Variants in NUF2 observed in about 807,000 individuals in gnomAD.
NUF2 encodes kinetochore protein Nuf2.
NUF2 carries 34 observed loss-of-function variants against 61.8 expected under a neutral mutation model. That is an observed-to-expected ratio of 0.55 (90% CI 0.42 to 0.73). The LOEUF (loss-of-function observed/expected upper bound fraction) is 0.73, where lower values mean the gene tolerates loss of function less well. Ranked by LOEUF, NUF2 falls within the 30% of genes least tolerant of loss-of-function variation. The pLI is 0.00. For synonymous variants in NUF2, 172 were observed against 181.6 expected (o/e 0.95, Z 0.42); for missense variants, 445 against 539.1 (o/e 0.83, Z 1.73).
At chr1:163,345,326 A>G (rs1454737218) in intron 10 of NUF2, among the ~76,000 whole-genome samples, 1 of 152,186 alleles carries the variant, frequency 6.6e-6, no homozygotes, top group Non-Finnish European at 1.5e-5. Context: ...TGGGAAGATT[A>G]TAAATGAGTA....
intron 13 of NUF2, among the ~76,000 whole-genome samples, chr1:163,350,017 A>G (rs947487903): frequency 6.6e-6 from 1 of 151,936 alleles, no homozygotes; most frequent in African/African-American, 2.4e-5. Context: ...CTTAGCAGAT[A>G]TTGGCTGGGC....
At position 163,347,954 on chromosome 1, in the gene NUF2, C is replaced by T; in HGVS notation, c.1124+16C>T. ...CAGTAATTGAGTATGGAGTTGTTTT[C>T]AATTTTAGTGTATTAGAAAGCAATT... On this transcript the variant is annotated intron_variant, in intron 12 of 13. Coordinates refer to ENST00000271452, the MANE Select transcript of NUF2 (RefSeq NM_145697.3). 11 of 1,453,842 alleles carry T rather than the reference C, an allele frequency of 7.6e-6. No individual in the cohort carries two copies. The highest frequency in any genetic ancestry group is 1.0e-5 in the Non-Finnish European group (11 of 1,093,852). 90.1% of individuals were successfully genotyped at this position (1,453,842 alleles called of 1,614,324 possible).
At chr1:163,328,136 TAGTG>T (rs1199490267) in intron 3 of NUF2, 88 bp from the exon 4 acceptor site, 7 of 739,274 alleles carry the variant, frequency 9.5e-6, no homozygotes, top group East Asian at 2.6e-5. Flanking sequence ...AATTTAATGA[TAGTG>T]AGTTAATATA....
chr1:163,322,398 G>A (rs1650257181), intron 1 of NUF2, among the ~76,000 whole-genome samples, 186 bp downstream of exon 1: 1 of 152,204 alleles, frequency 6.6e-6, no homozygotes, highest in Admixed American at 6.5e-5. Context: ...TGGTAATGTG[G>A]TTTATTTGGC....
At position 163,345,792 on chromosome 1, in the gene NUF2, GA is replaced by G; in HGVS notation, c.927del (p.Lys309AsnfsTer2). The G allele has an allele frequency of 6.2e-7, 1 of 1,606,570 alleles. No homozygotes were observed. Among genetic ancestry groups the G allele is most frequent in the Non-Finnish European group, 8.5e-7 (1 of 1,175,154 alleles). Reference protein sequence around the residue: ...KKIQDLSDNREKLASILKESL... With the variant: ...KKIQDLSDNRXKLASILKESL... ...AATACAGGACCTTTCAGATAATAGG[GA>G]AAAATTAGCCAGTATCTTAAAGGAG... is the stretch of plus-strand genomic sequence containing the variant. On this transcript the variant is annotated frameshift_variant, in exon 11 of 14. Coordinates refer to ENST00000271452, the MANE Select transcript of NUF2 (RefSeq NM_145697.3). LOFTEE classifies it high-confidence loss of function.
chr1:163,326,870 C>G (rs1329283365), intron 2 of NUF2, among the ~76,000 whole-genome samples: 2 of 152,046 alleles, frequency 1.3e-5, no homozygotes, highest in African/African-American at 4.8e-5. Flanking sequence ...AAAAGATTAC[C>G]ACGTTTTCCC....
chr1:163,336,043 G>A (rs1167503085), intron 5 of NUF2, among the ~76,000 whole-genome samples: 2 of 151,838 alleles, frequency 1.3e-5, no homozygotes, highest in Non-Finnish European at 2.9e-5. Flanking sequence ...AATCTACCAT[G>A]TATGTTATTT....
chr1:163,351,742 A>C (rs1651328207), intron 13 of NUF2, among the ~76,000 whole-genome samples: 1 of 152,212 alleles, frequency 6.6e-6, no homozygotes, highest in Non-Finnish European at 1.5e-5. Context: ...TGGTAAAATC[A>C]AATACTTTTT....
chr1:163,342,004 A>G (rs1650963047), intron 9 of NUF2, among the ~76,000 whole-genome samples: 1 of 152,190 alleles, frequency 6.6e-6, no homozygotes, highest in African/African-American at 2.4e-5. Flanking sequence ...AAATTTATAT[A>G]TTTTTTGCCC....
chr1:163,326,002 G>A, intron 1 of NUF2, 30 bp from the exon 2 acceptor site: 1 of 1,563,398 alleles, frequency 6.4e-7, no homozygotes, highest in Non-Finnish European at 8.8e-7. Context: ...CTGATCATGT[G>A]GTATTTCTCA....
rs755556279 is a variant in NUF2 at position 163,355,408 on chromosome 1, A to G, written c.1334A>G (p.Tyr445Cys). The G allele has an allele frequency of 6.2e-7, 1 of 1,606,266 alleles. No individual in the cohort carries two copies. The highest frequency in any genetic ancestry group is 8.5e-7 in the Non-Finnish European group (1 of 1,174,552). The change falls in exon 14 of 14, where the codon TAT (tyrosine) becomes TGT (cysteine). Residue 445 changes from tyrosine to cysteine, a missense_variant. Tyr to Cys is a radical substitution (Grantham distance 194). Transcript: ENST00000271452. ...ATTGAAAAGGCAGCAGAGGACTCCT[A>G]TGCTAAGATAGATGAGAAGACAGCT... ...DGIEKAAEDSYAKIDEKTAEL... is the reference protein window; with the variant it reads ...DGIEKAAEDSCAKIDEKTAEL...
rs559445849 is a variant in NUF2 at position 163,337,911 on chromosome 1, C to A, written c.436-109C>A. 8.7e-5 allele frequency: 71 copies of A among 812,232 alleles called. No individual in the cohort carries two copies. In the South Asian group the frequency reaches 1.1e-3, roughly 12 times the overall value. 50.3% of individuals were successfully genotyped at this position (812,232 alleles called of 1,614,324 possible). On this transcript the variant is annotated intron_variant, in intron 6 of 13. Coordinates refer to ENST00000271452, the MANE Select transcript of NUF2 (RefSeq NM_145697.3). ...ATTTGTCATGAAGGCCTAACTCTAT[C>A]TTAAATTTTTTATTTCTGATGGTTC...
chr1:163,345,373 T>C (rs1651089521), intron 10 of NUF2, among the ~76,000 whole-genome samples: 1 of 152,206 alleles, frequency 6.6e-6, no homozygotes, highest in Non-Finnish European at 1.5e-5. Flanking sequence ...AGAAATAGTT[T>C]GAGTATTAGC....
chr1:163,351,515 T>C (rs1266137477), intron 13 of NUF2, among the ~76,000 whole-genome samples: 2 of 152,348 alleles, frequency 1.3e-5, no homozygotes, highest in African/African-American at 2.4e-5. Flanking sequence ...TAGTGTCACC[T>C]GCAGATTTGA....
rs761808817 is a variant in NUF2 at position 163,328,249 on chromosome 1, A to T, written c.220A>T (p.Met74Leu). The change falls in exon 4 of 14, where the codon ATG (methionine) becomes TTG (leucine). Residue 74 changes from methionine to leucine, a missense_variant. By Grantham distance (15) the Met-to-Leu change is conservative. Coordinates refer to ENST00000271452, the MANE Select transcript of NUF2 (RefSeq NM_145697.3). Reference protein sequence around the residue: ...FYMMPVNSEVMYPHLMEGFLP... With the variant: ...FYMMPVNSEVLYPHLMEGFLP... ...TTAGATGCCAGTGAACTCTGAAGTC[A>T]TGTATCCACATTTAATGGAAGGCTT... The T allele has an allele frequency of 6.2e-7, 1 of 1,608,656 alleles. No homozygotes were observed. The highest frequency in any genetic ancestry group is 1.3e-5 in the African/African-American group (1 of 74,806).
intron 13 of NUF2, among the ~76,000 whole-genome samples, chr1:163,351,722 C>T (rs572216193): frequency 6.6e-6 from 1 of 152,276 alleles, no homozygotes; most frequent in South Asian, 2.1e-4. Flanking sequence ...GGGAAGGTCT[C>T]TAAATACTTT....
chr1:163,324,229 G>A lies in NUF2; in HGVS notation c.-20-1803G>A, dbSNP rs550055296. 1.4e-4 allele frequency among the ~76,000 whole-genome samples: 22 copies of A among 151,950 alleles called. No homozygotes were observed. The South Asian group carries it at 4.6e-3, about 32-fold the overall frequency. On this transcript the variant is annotated intron_variant, in intron 1 of 13. Coordinates refer to ENST00000271452, the MANE Select transcript of NUF2 (RefSeq NM_145697.3). ...TAGCTTTCTTCATGTTTTTGAAAAT[G>A]GTGTCATGTAAACAGAGATTAATAT... is the stretch of plus-strand genomic sequence containing the variant.
chr1:163,348,996 C>T lies in NUF2; in HGVS notation c.1176C>T (p.Thr392=). ...EKRGAVYERV[T]TINQEIQKIK... ...GAGGTGCTGTCTATGAACGAGTAAC[C>T]ACAATTAATCAAGAAATCCAAAAAA... The change falls in exon 13 of 14, where the codon ACC becomes ACT. Residue 392 remains threonine, a synonymous_variant. Coordinates refer to ENST00000271452, the MANE Select transcript of NUF2 (RefSeq NM_145697.3). The T allele has an allele frequency of 6.2e-7, 1 of 1,610,790 alleles. No individual in the cohort carries two copies. Among genetic ancestry groups the T allele is most frequent in the Non-Finnish European group, 8.5e-7 (1 of 1,179,062 alleles).
Position 163,326,171 on chromosome 1 carries a change from A to T in NUF2, c.120A>T (p.Pro40=). ...NLTKNDLYPN[P]KPEVLHMIYM... ...CCAAGAATGATCTTTATCCAAATCC[A>T]AAGGTAAAAGGTGGTTACGTTTGCA... is the stretch of plus-strand genomic sequence containing the variant. Residue 40 remains proline (P), a synonymous_variant, in exon 2 of 14, where the codon CCA becomes CCT. Transcript: ENST00000271452. 1 of 1,612,160 alleles carries T rather than the reference A, an allele frequency of 6.2e-7. No homozygotes were observed. The highest frequency in any genetic ancestry group is 8.5e-7 in the Non-Finnish European group (1 of 1,178,844).
Sources: allele counts gnomAD v4.1 joint callset (sites outside exome capture counted in the v4.1 genomes callset), GRCh38; gene constraint gnomAD v4.1.1; transcripts MANE v1.5; gene names NCBI Gene and HGNC (gene_info 2026-07-23, HGNC 2026-07-21).